The following KCNQ2 variants were observed in gnomAD, a reference collection of about 807,000 sequenced individuals.
KCNQ2 encodes potassium voltage-gated channel subfamily Q member 2.
In KCNQ2, 14 loss-of-function variants were observed where a neutral mutation model predicts 84.8. That is an observed-to-expected ratio of 0.17 (90% CI 0.11 to 0.26). The LOEUF (loss-of-function observed/expected upper bound fraction) is 0.26, where lower values mean the gene tolerates loss of function less well. Ranked by LOEUF, KCNQ2 falls within the 10% of genes least tolerant of loss-of-function variation. The probability of loss-of-function intolerance (pLI) is 1.00; values close to 1 mark genes in which losing one functional copy is unlikely to be tolerated. For missense variants in KCNQ2, 788 were observed against 1,254.0 expected, an observed-to-expected ratio of 0.63 and a Z score of 5.61; for synonymous variants, 599 against 554.1, an observed-to-expected ratio of 1.08 and a Z score of -1.14.
intron 1 of KCNQ2, among the ~76,000 whole-genome samples, chr20:63,458,606 G>A (rs760283059): frequency 2.3e-4 from 35 of 152,202 alleles, no homozygotes; most frequent in Non-Finnish European, 3.5e-4. Context: ...CCCTGAGCCT[G>A]ACCGAGCACT....
At position 63,407,112 on chromosome 20, in the gene KCNQ2, G is replaced by A; in HGVS notation, c.2151C>T (p.Ser717=). The A allele has an allele frequency of 5.8e-6, 9 of 1,545,328 alleles. No homozygotes were observed. The highest frequency in any genetic ancestry group is 7.0e-6 in the Non-Finnish European group (8 of 1,148,118). The part of the protein sequence containing the change: ...APPVQCPPST[S]WQPQSHPRQG... ...GGCGCGGGTGGCTCTGTGGCTGCCA[G>A]GAGGTGGAGGGCGGACACTGGACAG... The change falls in exon 17 of 17, where the codon TCC becomes TCT. Residue 717 remains serine, a synonymous_variant. Coordinates refer to ENST00000359125, the MANE Select transcript of KCNQ2 (RefSeq NM_172107.4). The surrounding 1 kb of genome is among the most constrained non-coding windows in gnomAD (Gnocchi z 7.2).
At chr20:63,440,024 C>T (rs892772272) in intron 5 of KCNQ2, among the ~76,000 whole-genome samples, 1 of 152,240 alleles carries the variant, frequency 6.6e-6, no homozygotes, top group Non-Finnish European at 1.5e-5. Flanking sequence ...ACTGCATCCC[C>T]GCCAGGTGAA....
chr20:63,442,837 C>T (rs954715363), intron 4 of KCNQ2, among the ~76,000 whole-genome samples: 1 of 124,486 alleles, frequency 8.0e-6, no homozygotes, highest in South Asian at 2.9e-4. Context: ...CCATCACCAC[C>T]ACCACCATCA....
intron 12 of KCNQ2, 100 bp downstream of exon 12, chr20:63,419,519 G>A: frequency 7.9e-7 from 1 of 1,261,812 alleles, no homozygotes; most frequent in Non-Finnish European, 1.1e-6. Context: ...TGGGGTTGGG[G>A]CGCCAGCCTC....
At position 63,442,387 on chromosome 20, in the gene KCNQ2, C is replaced by T. The variant is rs1450475158; in HGVS notation, c.816+19G>A. The T allele has an allele frequency of 3.1e-6, 5 of 1,613,826 alleles. No homozygotes were observed. The highest frequency in any genetic ancestry group is 4.2e-6 in the Non-Finnish European group (5 of 1,179,952). ...GTGTATCAGCAGGGAAAGGGAAAAC[C>T]ACAATGACCACAACTCACCAGGCCC... On this transcript the variant is annotated intron_variant, in intron 5 of 16. Transcript: ENST00000359125.
chr20:63,442,950 TCATCAC>T (rs2081255171), intron 4 of KCNQ2, among the ~76,000 whole-genome samples: 1 of 15,366 alleles, frequency 6.5e-5, no homozygotes, highest in Non-Finnish European at 1.2e-4. Flanking sequence ...ACCATCACCA[TCATCAC>T]CATCACCACC....
intron 5 of KCNQ2, among the ~76,000 whole-genome samples, chr20:63,440,723 C>T (rs527636118): frequency 2.0e-5 from 3 of 152,216 alleles, no homozygotes; most frequent in South Asian, 2.1e-4. Context: ...CAGGGTGGGC[C>T]GGCTGGGCCG....
At chr20:63,428,883 G>C (rs2080711743) in intron 9 of KCNQ2, among the ~76,000 whole-genome samples, 2 of 152,152 alleles carry the variant, frequency 1.3e-5, no homozygotes, top group African/African-American at 4.8e-5. Context: ...TGGAGGAGTT[G>C]GGAGGTGGGG....
intron 1 of KCNQ2, among the ~76,000 whole-genome samples, chr20:63,458,708 C>T (rs957418850): frequency 7.9e-5 from 12 of 152,216 alleles, no homozygotes; most frequent in African/African-American, 2.9e-4. Context: ...AGCCCAGAAC[C>T]TGCACAGAGG....
At chr20:63,437,991 G>A (rs1189798438) in intron 7 of KCNQ2, among the ~76,000 whole-genome samples, 1 of 152,164 alleles carries the variant, frequency 6.6e-6, no homozygotes, top group Non-Finnish European at 1.5e-5. Context: ...TGTATTTTTA[G>A]GAGAGACAGG....
At chr20:63,415,550 G>A (rs1204258014) in intron 12 of KCNQ2, among the ~76,000 whole-genome samples, 5 of 151,296 alleles carry the variant, frequency 3.3e-5, no homozygotes, top group Admixed American at 6.6e-5. Context: ...CTGAGCACCC[G>A]GCGGGAGGGA....
rs1045985612 is a variant in KCNQ2, at chr20:63,414,546, C to T, written c.1526-353G>A. On this transcript the variant is annotated intron_variant, in intron 13 of 16. Transcript: ENST00000359125. This position sits in a 1 kb window ranked among gnomAD's most constrained non-coding sequence, Gnocchi z 6.6. ...AAGGAAGCCAGACCCAACGGCCCCA[C>T]GTGGGAGCCGCAGACACGCACGGCC... 6.2e-4 allele frequency among the ~76,000 whole-genome samples: 94 copies of T among 152,030 alleles called. 1 individual carries two copies. Among genetic ancestry groups the T allele is most frequent in the African/African-American group, 2.0e-3 (84 of 41,382 alleles).
In KCNQ2 at chr20:63,403,504, CATGT is replaced by C. The variant is rs1454129634; in HGVS notation, c.*3136_*3139del. Reference sequence around the variant, plus strand: ...GTGTGGCCTATGCACTTTGTGTGTGCATGTGTTAGTGCTGTGTGTGGTCTGTGCA... The same window carrying C: ...GTGTGGCCTATGCACTTTGTGTGTGCGTTAGTGCTGTGTGTGGTCTGTGCA... On this transcript the variant is annotated 3_prime_UTR_variant, in exon 17 of 17. Coordinates refer to ENST00000359125, the MANE Select transcript of KCNQ2 (RefSeq NM_172107.4). 4 of 152,162 alleles carry C rather than the reference CATGT, an allele frequency of 2.6e-5. No homozygotes were observed. Among genetic ancestry groups the C allele is most frequent in the Admixed American group, 1.3e-4 (2 of 15,266 alleles). 9.4% of individuals were successfully genotyped at this position (152,162 alleles called of 1,614,324 possible). A position where few individuals can be genotyped will look rare whatever the true frequency, so the allele number is the denominator to read the frequency against.
At chr20:63,454,995 T>A (rs191455911) in intron 1 of KCNQ2, among the ~76,000 whole-genome samples, 7 of 152,236 alleles carry the variant, frequency 4.6e-5, no homozygotes, top group Admixed American at 1.3e-4. Flanking sequence ...GGCACTCAGC[T>A]GAGGTCTCGC....
At position 63,438,756 on chromosome 20, in the gene KCNQ2, C is replaced by T. The variant is rs2081075301; in HGVS notation, c.928-36G>A. The stretch of plus-strand genomic sequence containing the variant: ...TCAGGGTCAGGTCACACCCCAGGGA[C>T]CCCCCACACCCCAATTCATCAGGGT... On this transcript the variant is annotated intron_variant, in intron 6 of 16. Coordinates refer to ENST00000359125, the MANE Select transcript of KCNQ2 (RefSeq NM_172107.4). The surrounding 1 kb of genome is among the most constrained non-coding windows in gnomAD (Gnocchi z 5.1). 4 of 1,567,504 alleles carry T rather than the reference C, an allele frequency of 2.6e-6. No homozygotes were observed. Among genetic ancestry groups the T allele is most frequent in the South Asian group, 1.1e-5 (1 of 90,106 alleles).
intron 14 of KCNQ2, 98 bp from the exon 15 acceptor site, chr20:63,413,679 G>A (rs1243978506): frequency 7.0e-6 from 10 of 1,422,300 alleles, no homozygotes; most frequent in Non-Finnish European, 8.9e-6. Flanking sequence ...GGCGCCTGGA[G>A]ATGGCTGGAC....
rs1244896542 is a variant in KCNQ2, at chr20:63,407,358, C to A, written c.1905G>T (p.Lys635Asn). Residue 635 changes from lysine (K) to asparagine (N), a missense_variant, in exon 17 of 17, where the codon AAG becomes AAT. By Grantham distance (94) the Lys-to-Asn change is moderately conservative. Transcript: ENST00000359125. The surrounding 1 kb of genome is among the most constrained non-coding windows in gnomAD (Gnocchi z 7.2). The part of the protein sequence containing the change: ...KVEKQVLSME[K>N]KLDFLVNIYM... ...AGATATTCACCAGGAAGTCCAGCTT[C>A]TTCTCCATGGACAAGACCTGCAAAA... 1 of 1,597,734 alleles carries A rather than the reference C, an allele frequency of 6.3e-7. No homozygotes were observed. Among genetic ancestry groups the A allele is most frequent in the Non-Finnish European group, 8.5e-7 (1 of 1,179,548 alleles).
At chr20:63,429,370 A>G (rs2080726912) in intron 9 of KCNQ2, among the ~76,000 whole-genome samples, 1 of 147,182 alleles carries the variant, frequency 6.8e-6, no homozygotes, top group Non-Finnish European at 1.5e-5. Context: ...CCCTCCCCAC[A>G]CCCACCTGTG....
intron 4 of KCNQ2, among the ~76,000 whole-genome samples, 195 bp from the exon 5 acceptor site, chr20:63,442,726 CAT>C (rs1568934046): frequency 3.3e-4 from 14 of 43,062 alleles, no homozygotes; most frequent in Admixed American, 4.6e-4. Flanking sequence ...CCACCACCAT[CAT>C]CACCACCTCC....
Sources: allele counts gnomAD v4.1 joint callset (sites outside exome capture counted in the v4.1 genomes callset), GRCh38; gene constraint gnomAD v4.1.1; non-coding constraint Gnocchi (gnomAD v3.1); transcripts MANE v1.5; gene names NCBI Gene and HGNC (gene_info 2026-07-23, HGNC 2026-07-21).